Variants in RASA1 observed in about 807,000 individuals in gnomAD.
RASA1 encodes ras GTPase-activating protein 1.
A neutral mutation model predicts 132.2 loss-of-function variants in RASA1; 25 were observed. That is an observed-to-expected ratio of 0.19 (90% CI 0.14 to 0.26). The LOEUF is 0.26. Among genes scored for constraint, RASA1 ranks in the 10% least tolerant of loss-of-function variants. The probability of loss-of-function intolerance (pLI) is 1.00; values close to 1 mark genes in which losing one functional copy is unlikely to be tolerated. For missense variants in RASA1, 964 were observed against 1,299.2 expected (o/e 0.74, Z 3.97); for synonymous variants, 477 against 449.9 (o/e 1.06, Z -0.76).
chr5:87,366,641 T>A (rs1161253763), intron 11 of RASA1: 3 of 159,460 alleles, frequency 1.9e-5, no homozygotes, highest in Non-Finnish European at 4.2e-5. Flanking sequence ...AAAAAGTCTT[T>A]GTAATGAATT....
chr5:87,278,739 A>G (rs1754178430), intron 1 of RASA1, among the ~76,000 whole-genome samples: 2 of 151,784 alleles, frequency 1.3e-5, no homozygotes, highest in South Asian at 4.2e-4. Context: ...TGTGTGTGTG[A>G]TATATTTAGT....
At chr5:87,357,233 T>C (rs1199690066) in intron 9 of RASA1, among the ~76,000 whole-genome samples, 2 of 152,048 alleles carry the variant, frequency 1.3e-5, no homozygotes, top group South Asian at 2.1e-4. Context: ...CACACACATA[T>C]ATAAATATAT....
intron 1 of RASA1, among the ~76,000 whole-genome samples, chr5:87,313,672 T>C (rs1158968301): frequency 6.6e-6 from 1 of 152,202 alleles, no homozygotes; most frequent in Non-Finnish European, 1.5e-5. Context: ...TGAAAATGAT[T>C]GATTATATTA....
chr5:87,302,241 G>A lies in RASA1; in HGVS notation c.540-29107G>A, dbSNP rs13161997. Among the ~76,000 whole-genome samples, 1,066 of 152,170 alleles carry A rather than the reference G, an allele frequency of 7.0e-3. 5 individuals are homozygous for A. Among genetic ancestry groups the A allele is most frequent in the African/African-American group, 0.016 (679 of 41,542 alleles). On this transcript the variant is annotated intron_variant, in intron 1 of 24. Coordinates refer to ENST00000274376, the MANE Select transcript of RASA1 (RefSeq NM_002890.3). ...CTTTTCATTGTAGTGATGTAGGTGG[G>A]TTGGTGGTGTAATAGCTCTTGTGGT... is the stretch of plus-strand genomic sequence containing the variant.
chr5:87,350,859 A>G (rs1284604526), intron 8 of RASA1, among the ~76,000 whole-genome samples: 1 of 151,726 alleles, frequency 6.6e-6, no homozygotes, highest in Non-Finnish European at 1.5e-5. Context: ...AACTTCTTTA[A>G]AAAGCCCCAA....
chr5:87,378,605 C>T, intron 18 of RASA1, 67 bp downstream of exon 18: 1 of 1,445,550 alleles, frequency 6.9e-7, no homozygotes. Context: ...TAATTTGTAG[C>T]CAATTACATT....
intron 1 of RASA1, among the ~76,000 whole-genome samples, chr5:87,319,835 C>T (rs1756648782): frequency 6.6e-6 from 1 of 152,148 alleles, no homozygotes; most frequent in South Asian, 2.1e-4. Flanking sequence ...ATGGGTTTGT[C>T]TTTTCTATAG....
chr5:87,295,440 T>C (rs976822936), intron 1 of RASA1, among the ~76,000 whole-genome samples: 4 of 151,558 alleles, frequency 2.6e-5, no homozygotes, highest in African/African-American at 9.7e-5. Context: ...CTTTTGTGAT[T>C]TAATTATTTT....
In RASA1 at chr5:87,380,572, C is replaced by G; in HGVS notation, c.2667C>G (p.Thr889=). The G allele has an allele frequency of 2.5e-6, 4 of 1,612,698 alleles. No individual in the cohort carries two copies. The highest frequency in any genetic ancestry group is 3.4e-6 in the Non-Finnish European group (4 of 1,178,902). The change falls in exon 20 of 25, where the codon ACC becomes ACG. Residue 889 remains threonine (T), a synonymous_variant. Transcript: ENST00000274376. The part of the protein sequence containing the change: ...KSVQHKWPTN[T]TMRTRVVSGF... Reference sequence around the variant, plus strand: ...TTCAGCATAAGTGGCCTACAAATACCACCATGAGAACAAGAGTTGTTAGGT... The same window carrying G: ...TTCAGCATAAGTGGCCTACAAATACGACCATGAGAACAAGAGTTGTTAGGT...
intron 1 of RASA1, among the ~76,000 whole-genome samples, chr5:87,301,784 C>T (rs1041266689): frequency 1.3e-5 from 2 of 152,060 alleles, no homozygotes; most frequent in African/African-American, 4.8e-5. Context: ...TTTCAATTTT[C>T]AGATTAGGGA....
At chr5:87,378,949 AC>A (rs1761515626) in intron 18 of RASA1, among the ~76,000 whole-genome samples, 1 of 152,194 alleles carries the variant, frequency 6.6e-6, no homozygotes, top group African/African-American at 2.4e-5. Context: ...GATAACCTCA[AC>A]TAAAACAAAA....
At chr5:87,327,635 C>T (rs1282990667) in intron 1 of RASA1, among the ~76,000 whole-genome samples, 1 of 152,136 alleles carries the variant, frequency 6.6e-6, no homozygotes, top group African/African-American at 2.4e-5. Flanking sequence ...TCTTTGAGTT[C>T]TGTCAGCCTA....
chr5:87,272,825 A>T (rs889684181), intron 1 of RASA1, among the ~76,000 whole-genome samples: 2 of 152,198 alleles, frequency 1.3e-5, no homozygotes, highest in African/African-American at 2.4e-5. Flanking sequence ...TAGAGGTGAA[A>T]TTCAAGTGTT....
chr5:87,359,383 C>T (rs758182588), intron 9 of RASA1, among the ~76,000 whole-genome samples: 1 of 152,104 alleles, frequency 6.6e-6, no homozygotes, highest in Non-Finnish European at 1.5e-5. Flanking sequence ...AAGCCTTTCT[C>T]CTCTCATTGA....
intron 20 of RASA1, among the ~76,000 whole-genome samples, chr5:87,381,478 T>C (rs1300487817): frequency 1.3e-5 from 2 of 152,248 alleles, no homozygotes; most frequent in Non-Finnish European, 2.9e-5. Context: ...TGTCATGCTA[T>C]ATGTAAAATA....
chr5:87,323,991 C>T (rs753989420), intron 1 of RASA1, among the ~76,000 whole-genome samples: 15 of 152,102 alleles, frequency 9.9e-5, no homozygotes, highest in Non-Finnish European at 1.6e-4. Context: ...GGTGTTCTGT[C>T]GTATTTACTG....
chr5:87,314,216 T>C (rs1199671413), intron 1 of RASA1, among the ~76,000 whole-genome samples: 1 of 152,068 alleles, frequency 6.6e-6, no homozygotes, highest in Non-Finnish European at 1.5e-5. Flanking sequence ...AGAAAGTGCA[T>C]GTTTGGTTTG....
chr5:87,368,535 C>T lies in RASA1; in HGVS notation c.1611-1278C>T, dbSNP rs183559274. On this transcript the variant is annotated intron_variant, in intron 11 of 24. Transcript: ENST00000274376. ...AAAACTATGGAAACTAATGTTATTG[C>T]GTCCAGAAAGAATTGTTCTTACGGA... is the stretch of plus-strand genomic sequence containing the variant. Among the ~76,000 whole-genome samples the T allele has an allele frequency of 2.5e-3, 377 of 152,134 alleles. 1 individual carries two copies. Among genetic ancestry groups the T allele is most frequent in the African/African-American group, 8.6e-3 (355 of 41,518 alleles).
rs754170343 is a variant in RASA1, at chr5:87,346,642, T to C, written c.1050-30T>C. On this transcript the variant is annotated intron_variant, in intron 6 of 24. Coordinates refer to ENST00000274376, the MANE Select transcript of RASA1 (RefSeq NM_002890.3). ...TATGATAACAGCAAAAAGGACTTTA[T>C]TTATATATCTAATTTATTCTCTTTT... 2.8e-6 allele frequency: 4 copies of C among 1,420,824 alleles called. No homozygotes were observed. The Admixed American group carries it at 5.2e-5, about 18-fold the overall frequency. 88.0% of individuals were successfully genotyped at this position (1,420,824 alleles called of 1,614,324 possible).
Sources: gnomAD v4.1 joint callset for allele counts (sites outside exome capture counted in the v4.1 genomes callset) on GRCh38, gnomAD v4.1.1 for gene constraint, MANE v1.5 for transcripts, NCBI Gene and HGNC (gene_info 2026-07-23, HGNC 2026-07-21) for gene names.